The following FBXL7 variants were observed in gnomAD, a reference collection of about 807,000 sequenced individuals.
FBXL7 encodes F-box and leucine rich repeat protein 7, also known as F-box/LRR-repeat protein 7.
In FBXL7, 12 loss-of-function variants were observed where a neutral mutation model predicts 38.3. That is an observed-to-expected ratio of 0.31 (90% CI 0.20 to 0.51). The LOEUF (loss-of-function observed/expected upper bound fraction) is 0.51, where lower values mean the gene tolerates loss of function less well. Ranked by LOEUF, FBXL7 falls within the 20% of genes least tolerant of loss-of-function variation. FBXL7 has a pLI of 0.98. For missense variants in FBXL7, 567 were observed against 676.4 expected, an observed-to-expected ratio of 0.84 and a Z score of 1.79; for synonymous variants, 297 against 300.9, an observed-to-expected ratio of 0.99 and a Z score of 0.13.
At chr5:15,555,968 GTCTATCA>G (rs1215633579) in intron 1 of FBXL7, among the ~76,000 whole-genome samples, 2 of 131,530 alleles carry the variant, frequency 1.5e-5, no homozygotes, top group Admixed American at 8.0e-5. Flanking sequence ...TCTGTCATCT[GTCTATCA>G]TCTATCTATC....
intron 2 of FBXL7, among the ~76,000 whole-genome samples, chr5:15,817,411 T>A (rs1420879008): frequency 1.3e-5 from 2 of 152,234 alleles, no homozygotes; most frequent in Non-Finnish European, 2.9e-5. Context: ...GAGTTTAGTG[T>A]TAGGATATAA....
chr5:15,851,788 TG>T lies in FBXL7; in HGVS notation c.128-76100del, dbSNP rs1227635091. ...TATTCTCACGCAAATAAATAACAAA[TG>T]GAAAAAAAGATTCTGCAAACTAATA... On this transcript the variant is annotated intron_variant, in intron 2 of 3. Coordinates refer to ENST00000504595, the MANE Select transcript of FBXL7 (RefSeq NM_012304.5). 5.4e-5 allele frequency among the ~76,000 whole-genome samples: 8 copies of T among 147,404 alleles called. No homozygotes were observed. The South Asian group carries it at 6.5e-4, about 12-fold the overall frequency.
intron 2 of FBXL7, among the ~76,000 whole-genome samples, chr5:15,697,570 T>C (rs1381209815): frequency 2.6e-5 from 4 of 151,894 alleles, no homozygotes; most frequent in Admixed American, 2.6e-4. Flanking sequence ...TATTTCTGCA[T>C]TCTAGATTCA....
At chr5:15,885,760 A>G (rs1404221797) in intron 2 of FBXL7, among the ~76,000 whole-genome samples, 1 of 152,176 alleles carries the variant, frequency 6.6e-6, no homozygotes, top group Admixed American at 6.6e-5. Flanking sequence ...CCATCCAGGC[A>G]GGCAGTGGTG....
At chr5:15,728,602 T>G (rs1327003447) in intron 2 of FBXL7, among the ~76,000 whole-genome samples, 1 of 152,164 alleles carries the variant, frequency 6.6e-6, no homozygotes, top group Non-Finnish European at 1.5e-5. Context: ...AAACTGGGAT[T>G]CTGGTTTGTA....
At chr5:15,575,168 C>T (rs1436052971) in intron 1 of FBXL7, among the ~76,000 whole-genome samples, 1 of 151,580 alleles carries the variant, frequency 6.6e-6, no homozygotes, top group Non-Finnish European at 1.5e-5. Context: ...AGCTGGGAGT[C>T]CCTGGATCAG....
intron 1 of FBXL7, among the ~76,000 whole-genome samples, chr5:15,586,059 G>A (rs1312114654): frequency 6.6e-6 from 1 of 152,176 alleles, no homozygotes; most frequent in Non-Finnish European, 1.5e-5. Context: ...TGCTGTCATT[G>A]CAAAGCTCAT....
intron 1 of FBXL7, among the ~76,000 whole-genome samples, chr5:15,611,725 G>A (rs1486212171): frequency 6.6e-6 from 1 of 151,978 alleles, no homozygotes. Context: ...GCTCTTGCCT[G>A]TAATCCCAGC....
At chr5:15,823,809 A>G (rs781243963) in intron 2 of FBXL7, among the ~76,000 whole-genome samples, 13 of 151,620 alleles carry the variant, frequency 8.6e-5, no homozygotes, top group Non-Finnish European at 1.9e-4. Context: ...CTCTTCAGTG[A>G]CTCCTCAAAG....
At chr5:15,521,987 G>T (rs1403107964) in intron 1 of FBXL7, among the ~76,000 whole-genome samples, 1 of 152,198 alleles carries the variant, frequency 6.6e-6, no homozygotes, top group African/African-American at 2.4e-5. Context: ...ATCCAAAAAT[G>T]GAGGCTGGGG....
chr5:15,576,029 C>G (rs950190615), intron 1 of FBXL7, among the ~76,000 whole-genome samples: 2 of 144,756 alleles, frequency 1.4e-5, no homozygotes, highest in African/African-American at 2.6e-5. Context: ...TTTAGTGATT[C>G]ATTAAATAAT....
At chr5:15,815,920 G>A (rs904031186) in intron 2 of FBXL7, among the ~76,000 whole-genome samples, 1 of 152,118 alleles carries the variant, frequency 6.6e-6, no homozygotes, top group East Asian at 1.9e-4. Flanking sequence ...TATGTGAAAC[G>A]TGCTGCAGCA....
At chr5:15,885,378 T>G (rs1255562632) in intron 2 of FBXL7, among the ~76,000 whole-genome samples, 4 of 152,168 alleles carry the variant, frequency 2.6e-5, no homozygotes, top group African/African-American at 9.6e-5. Flanking sequence ...GGAAGTGACA[T>G]CTTACCACTT....
intron 2 of FBXL7, among the ~76,000 whole-genome samples, chr5:15,674,142 A>T (rs1257800245): frequency 2.0e-5 from 3 of 152,216 alleles, no homozygotes; most frequent in Non-Finnish European, 4.4e-5. Flanking sequence ...CAGAAGTGTG[A>T]TAGCAGTCTC....
chr5:15,647,719 C>T (rs1054729411), intron 2 of FBXL7, among the ~76,000 whole-genome samples: 1 of 152,148 alleles, frequency 6.6e-6, no homozygotes, highest in Admixed American at 6.5e-5. Context: ...AATAGAGGAG[C>T]ATTAACATTT....
intron 2 of FBXL7, among the ~76,000 whole-genome samples, chr5:15,885,470 T>C (rs1431108248): frequency 6.6e-6 from 1 of 152,156 alleles, no homozygotes; most frequent in African/African-American, 2.4e-5. Context: ...AGTATATAAA[T>C]TCCAGAAGAT....
chr5:15,761,133 T>C (rs1736429561), intron 2 of FBXL7, among the ~76,000 whole-genome samples: 1 of 152,150 alleles, frequency 6.6e-6, no homozygotes, highest in South Asian at 2.1e-4. Flanking sequence ...GACAGAGGAG[T>C]GTTTAAAAGG....
intron 1 of FBXL7, among the ~76,000 whole-genome samples, chr5:15,532,379 G>A (rs1485818688): frequency 2.6e-5 from 4 of 152,250 alleles, no homozygotes; most frequent in Non-Finnish European, 2.9e-5. Context: ...GGAAGAAGCT[G>A]TGACTGAAAG....
intron 2 of FBXL7, among the ~76,000 whole-genome samples, chr5:15,665,443 T>C (rs943895165): frequency 2.6e-5 from 4 of 152,208 alleles, no homozygotes; most frequent in Non-Finnish European, 5.9e-5. Flanking sequence ...GATTCTTGTC[T>C]CCTGTCTCTC....
Sources: allele counts gnomAD v4.1 joint callset (sites outside exome capture counted in the v4.1 genomes callset), GRCh38; gene constraint gnomAD v4.1.1; transcripts MANE v1.5; gene names NCBI Gene and HGNC (gene_info 2026-07-23, HGNC 2026-07-21).